HIF1A: variants seen among roughly 807,000 people sequenced by gnomAD.
HIF1A encodes the protein hypoxia inducible factor 1 subunit alpha, also known as hypoxia-inducible factor 1-alpha.
HIF1A carries 24 observed loss-of-function variants against 92.7 expected under a neutral mutation model. That is an observed-to-expected ratio of 0.26 (90% CI 0.19 to 0.36). The LOEUF (loss-of-function observed/expected upper bound fraction) is 0.36, where lower values mean the gene tolerates loss of function less well. Ranked by LOEUF, HIF1A falls within the 10% of genes least tolerant of loss-of-function variation. The probability of loss-of-function intolerance (pLI) is 1.00; values close to 1 mark genes in which losing one functional copy is unlikely to be tolerated. For synonymous variants in HIF1A, 319 were observed against 338.7 expected (o/e 0.94, Z 0.64); for missense variants, 799 against 998.5 (o/e 0.80, Z 2.69).
At chr14:61,707,667 T>C (rs1196501930) in intron 1 of HIF1A, among the ~76,000 whole-genome samples, 2 of 151,710 alleles carry the variant, frequency 1.3e-5, no homozygotes, top group Non-Finnish European at 2.9e-5. Flanking sequence ...TAGTATTCCA[T>C]GGTGTATATG....
intron 6 of HIF1A, among the ~76,000 whole-genome samples, chr14:61,728,787 C>T (rs1387679323): frequency 6.6e-6 from 1 of 152,012 alleles, no homozygotes; most frequent in African/African-American, 2.4e-5. Context: ...AGATTTGTAC[C>T]CTTATAATCT....
At chr14:61,707,252 CCATT>C (rs2044249468) in intron 1 of HIF1A, among the ~76,000 whole-genome samples, 1 of 152,054 alleles carries the variant, frequency 6.6e-6, no homozygotes, top group Non-Finnish European at 1.5e-5. Context: ...TTCTCAGGCG[CCATT>C]CAGACTTCAT....
intron 13 of HIF1A, 92 bp from the exon 14 acceptor site, chr14:61,745,599 A>T: frequency 3.0e-6 from 3 of 1,003,298 alleles, no homozygotes; most frequent in Non-Finnish European, 4.7e-6. Context: ...AACTGCCTAT[A>T]ATGTTATTAA....
At chr14:61,732,008 T>A (rs2044581314) in intron 6 of HIF1A, among the ~76,000 whole-genome samples, 1 of 152,094 alleles carries the variant, frequency 6.6e-6, no homozygotes, top group Non-Finnish European at 1.5e-5. Context: ...TGGTGGCACA[T>A]GCCTGTAATC....
intron 7 of HIF1A, 70 bp from the exon 8 acceptor site, chr14:61,734,068 C>T: frequency 1.0e-6 from 1 of 998,734 alleles, no homozygotes. Flanking sequence ...CATTCAGCAT[C>T]TGTTCATTTA....
chr14:61,699,616 C>A (rs1049650849), intron 1 of HIF1A, among the ~76,000 whole-genome samples: 2 of 151,978 alleles, frequency 1.3e-5, no homozygotes, highest in Non-Finnish European at 2.9e-5. Context: ...AATACTGTAT[C>A]CCTTTATCTA....
chr14:61,734,160 C>T lies in HIF1A; in HGVS notation c.903C>T (p.Thr301=), dbSNP rs767461441. 19 of 1,604,904 alleles carry T rather than the reference C, an allele frequency of 1.2e-5. No individual in the cohort carries two copies. Among genetic ancestry groups the T allele is most frequent in the Non-Finnish European group, 1.5e-5 (18 of 1,175,678 alleles). ...TAGTGTTTACTAAAGGACAAGTCAC[C>T]ACAGGACAGTACAGGATGCTTGCCA... ...HHDMFTKGQV[T]TGQYRMLAKR... Residue 301 remains threonine (T), a synonymous_variant, in exon 8 of 15, where the codon ACC becomes ACT. Coordinates refer to ENST00000337138, the MANE Select transcript of HIF1A (RefSeq NM_001530.4).
At position 61,732,249 on chromosome 14, in the gene HIF1A, T is replaced by C. The variant is rs111271244; in HGVS notation, c.774-169T>C. ...TGTGTGGTGTTGGATTTAATAACTG[T>C]AGTTGCCAAAGGTGAGGTGTAAATT... On this transcript the variant is annotated intron_variant, in intron 6 of 14. Transcript: ENST00000337138. 3.2e-3 allele frequency among the ~76,000 whole-genome samples: 491 copies of C among 152,314 alleles called. 5 individuals carry two copies. The highest frequency in any genetic ancestry group is 0.011 in the African/African-American group (461 of 41,566).
At chr14:61,722,727 G>A (rs546652636) in intron 4 of HIF1A, among the ~76,000 whole-genome samples, 47 of 152,196 alleles carry the variant, frequency 3.1e-4, no homozygotes, top group African/African-American at 8.7e-4. Flanking sequence ...ATTCGAGACC[G>A]TGTAGTTAGA....
chr14:61,695,902 G>C, intron 1 of HIF1A, 63 bp downstream of exon 1: 1 of 1,477,708 alleles, frequency 6.8e-7, no homozygotes. Context: ...TGCCCGCCCT[G>C]GGCTCCTGGG....
At position 61,695,513 on chromosome 14, in the gene HIF1A, A is replaced by C; in HGVS notation, c.-292A>C. ...CCCCCTGACGCTGCCTCAGCTCCTC[A>C]GTGCACAGTGCTGCCTCGTCTGAGG... On this transcript the variant is annotated 5_prime_UTR_variant, in exon 1 of 15. Transcript: ENST00000337138. 4 of 273,110 alleles carry C rather than the reference A, an allele frequency of 1.5e-5. No homozygotes were observed. The highest frequency in any genetic ancestry group is 1.4e-5 in the Non-Finnish European group (2 of 146,648). 16.9% of individuals were successfully genotyped at this position (273,110 alleles called of 1,614,324 possible). A position where few individuals can be genotyped will look rare whatever the true frequency, so the allele number is the denominator to read the frequency against.
At position 61,727,549 on chromosome 14, in the gene HIF1A, A is replaced by C; in HGVS notation, c.667A>C (p.Ile223Leu). The change falls in exon 6 of 15, where the codon ATT becomes CTT. Residue 223 changes from isoleucine to leucine, a missense_variant. By Grantham distance (5) the Ile-to-Leu change is conservative. Transcript: ENST00000337138. ...ACCACCTATGACCTGCTTGGTGCTG[A>C]TTTGTGAACCCATTCCTCACCCATC... ...KKPPMTCLVL[I>L]CEPIPHPSNI... 1 of 1,613,718 alleles carries C rather than the reference A, an allele frequency of 6.2e-7. No individual in the cohort carries two copies. Among genetic ancestry groups the C allele is most frequent in the Non-Finnish European group, 8.5e-7 (1 of 1,179,720 alleles).
intron 4 of HIF1A, among the ~76,000 whole-genome samples, chr14:61,724,358 T>TCTCTCTCTCTCTCTCC (rs2044474295): frequency 6.8e-6 from 1 of 147,700 alleles, no homozygotes; most frequent in Non-Finnish European, 1.5e-5. Flanking sequence ...ATTCTCTCTC[T>TCTCTCTCTCTCTCTCC]CTCTCTCTCT....
chr14:61,707,595 T>C (rs1309559322), intron 1 of HIF1A, among the ~76,000 whole-genome samples: 1 of 151,878 alleles, frequency 6.6e-6, no homozygotes, highest in Non-Finnish European at 1.5e-5. Flanking sequence ...CTGAGAATGA[T>C]GGTTTCCGGC....
intron 1 of HIF1A, among the ~76,000 whole-genome samples, chr14:61,717,935 T>G (rs976217661): frequency 6.6e-6 from 1 of 151,846 alleles, no homozygotes; most frequent in African/African-American, 2.4e-5. Flanking sequence ...GCAGGAGAAT[T>G]GCTTGAACCT....
intron 8 of HIF1A, 35 bp from the exon 9 acceptor site, chr14:61,736,854 C>T: frequency 1.4e-6 from 2 of 1,447,636 alleles, no homozygotes; most frequent in Non-Finnish European, 1.9e-6. Flanking sequence ...ATCAAGTGCT[C>T]ATTTGTGAAT....
chr14:61,705,455 A>G (rs2044229210), intron 1 of HIF1A, among the ~76,000 whole-genome samples: 2 of 152,130 alleles, frequency 1.3e-5, no homozygotes, highest in Non-Finnish European at 2.9e-5. Context: ...ATTCCTATTT[A>G]TTACTCTCTG....
At chr14:61,697,703 T>G in intron 1 of HIF1A, 3 of 1,241,090 alleles carry the variant, frequency 2.4e-6, no homozygotes, top group Non-Finnish European at 3.1e-6. Flanking sequence ...AAAATTAAGT[T>G]AAACACTTAA....
intron 14 of HIF1A, among the ~76,000 whole-genome samples, chr14:61,746,637 C>T (rs549434382): frequency 1.3e-5 from 2 of 152,174 alleles, no homozygotes; most frequent in Admixed American, 1.3e-4. Flanking sequence ...TCAAGTGATC[C>T]TCCTGCCTCA....
Sources: allele counts gnomAD v4.1 joint callset (sites outside exome capture counted in the v4.1 genomes callset), GRCh38; gene constraint gnomAD v4.1.1; transcripts MANE v1.5; gene names NCBI Gene and HGNC (gene_info 2026-07-23, HGNC 2026-07-21).